The following SLC24A2 variants were observed in gnomAD, a reference collection of about 807,000 sequenced individuals.
SLC24A2 encodes sodium/potassium/calcium exchanger 2.
In SLC24A2, 36 loss-of-function variants were observed where a neutral mutation model predicts 62.0. That is an observed-to-expected ratio of 0.58 (90% confidence interval 0.44 to 0.77). The LOEUF (loss-of-function observed/expected upper bound fraction) is 0.77, where lower values mean the gene tolerates loss of function less well. Ranked by LOEUF, SLC24A2 falls within the 30% of genes least tolerant of loss-of-function variation. SLC24A2 has a pLI of 0.00. For missense variants in SLC24A2, 846 were observed against 817.9 expected, an observed-to-expected ratio of 1.03 and a Z score of -0.42; for synonymous variants, 358 against 294.0, an observed-to-expected ratio of 1.22 and a Z score of -2.23.
chr9:20,299,262 T>C, the SLC24A2 span, among the ~76,000 whole-genome samples: 1 of 152,130 alleles, frequency 6.6e-6, no homozygotes, highest in Non-Finnish European at 1.5e-5. Context: ...CTATTTTATT[T>C]AGGGATTCAA....
the SLC24A2 span, among the ~76,000 whole-genome samples, chr9:19,804,032 ATGT>A: frequency 2.0e-5 from 3 of 152,298 alleles, no homozygotes; most frequent in African/African-American, 7.2e-5. Flanking sequence ...ACATCTTCCG[ATGT>A]TGTGGAAAAA....
At chr9:20,058,078 G>C in the SLC24A2 span, among the ~76,000 whole-genome samples, 3 of 152,172 alleles carry the variant, frequency 2.0e-5, no homozygotes, top group Non-Finnish European at 2.9e-5. Flanking sequence ...TCACTGGTCA[G>C]AAACTTCCTG....
At chr9:20,014,350 G>A in the SLC24A2 span, among the ~76,000 whole-genome samples, 4 of 151,908 alleles carry the variant, frequency 2.6e-5, no homozygotes, top group East Asian at 1.9e-4. Flanking sequence ...TAGAACTACC[G>A]TATGACCCAG....
the SLC24A2 span, among the ~76,000 whole-genome samples, chr9:19,977,837 G>T: frequency 5.3e-5 from 8 of 152,276 alleles, no homozygotes; most frequent in Middle Eastern, 3.4e-3. Context: ...ATCTAGGGCA[G>T]GTGGGCTCTG....
chr9:19,598,001 A>G (rs1268912512), intron 4 of SLC24A2, among the ~76,000 whole-genome samples: 3 of 152,148 alleles, frequency 2.0e-5, no homozygotes, highest in East Asian at 1.9e-4. Context: ...CACATCATCA[A>G]TGGACTCCCC....
chr9:20,241,874 G>A, the SLC24A2 span, among the ~76,000 whole-genome samples: 6 of 152,142 alleles, frequency 3.9e-5, no homozygotes, highest in African/African-American at 1.4e-4. Flanking sequence ...AAACATGGCT[G>A]CAACATCAAT....
the SLC24A2 span, among the ~76,000 whole-genome samples, chr9:20,199,543 G>T: frequency 2.0e-5 from 3 of 152,040 alleles, no homozygotes; most frequent in African/African-American, 7.2e-5. Context: ...TAGAGTGGGA[G>T]AATCTCTATT....
the SLC24A2 span, among the ~76,000 whole-genome samples, chr9:20,235,120 G>T: frequency 6.6e-6 from 1 of 152,224 alleles, no homozygotes; most frequent in African/African-American, 2.4e-5. Flanking sequence ...GCTGTGTGAG[G>T]TGTCAGTCCG....
chr9:20,272,187 A>G, the SLC24A2 span, among the ~76,000 whole-genome samples: 1 of 152,322 alleles, frequency 6.6e-6, no homozygotes, highest in East Asian at 1.9e-4. Context: ...ATAAACCAGT[A>G]ATTTGGGAGA....
chr9:20,230,419 T>C, the SLC24A2 span, among the ~76,000 whole-genome samples: 1 of 152,206 alleles, frequency 6.6e-6, no homozygotes, highest in African/African-American at 2.4e-5. Context: ...TTTTAATGAT[T>C]GCCATTCTGA....
chr9:19,520,085 A>C (rs962054148), intron 10 of SLC24A2, among the ~76,000 whole-genome samples: 1 of 152,218 alleles, frequency 6.6e-6, no homozygotes, highest in Non-Finnish European at 1.5e-5. Flanking sequence ...CAATATGGTC[A>C]TGGAAAGGTG....
chr9:19,563,238 C>A (rs145586685), intron 7 of SLC24A2, among the ~76,000 whole-genome samples: 5 of 152,198 alleles, frequency 3.3e-5, no homozygotes, highest in South Asian at 4.1e-4. Flanking sequence ...ACACACACAC[C>A]GCTTTTCACC....
the SLC24A2 span, among the ~76,000 whole-genome samples, chr9:19,952,942 G>A: frequency 8.6e-5 from 13 of 151,748 alleles, no homozygotes; most frequent in Non-Finnish European, 1.6e-4. Flanking sequence ...GTAGTATAAG[G>A]CTATTAACAT....
At chr9:20,304,444 CAG>C in the SLC24A2 span, among the ~76,000 whole-genome samples, 1 of 152,054 alleles carries the variant, frequency 6.6e-6, no homozygotes, top group Non-Finnish European at 1.5e-5. Flanking sequence ...CTTAAAAATA[CAG>C]AGATAGAGAT....
the SLC24A2 span, chr9:19,928,423 GC>G: frequency 6.6e-6 from 1 of 152,256 alleles, no homozygotes; most frequent in Non-Finnish European, 1.5e-5. Flanking sequence ...CTGGAGGCAG[GC>G]AGACCTGGGA....
At chr9:19,860,010 T>C in the SLC24A2 span, among the ~76,000 whole-genome samples, 148 of 152,196 alleles carry the variant, frequency 9.7e-4, no homozygotes, top group Non-Finnish European at 1.8e-3. Context: ...ACTTAAAACA[T>C]AGTCTAGGAC....
the SLC24A2 span, among the ~76,000 whole-genome samples, chr9:20,040,978 C>T: frequency 2.6e-5 from 4 of 152,290 alleles, no homozygotes; most frequent in Admixed American, 6.5e-5. Context: ...TAATTCCTAA[C>T]GTAATGCTTT....
the SLC24A2 span, among the ~76,000 whole-genome samples, chr9:19,986,392 G>C: frequency 2.8e-5 from 4 of 141,176 alleles, no homozygotes; most frequent in Admixed American, 7.6e-5. Context: ...AAAAAGTTAA[G>C]TATAGGATGA....
the SLC24A2 span, among the ~76,000 whole-genome samples, chr9:19,932,327 C>T: frequency 1.3e-5 from 2 of 152,060 alleles, no homozygotes; most frequent in Non-Finnish European, 2.9e-5. Flanking sequence ...AATTCACTGC[C>T]GAATAATGTT....
Sources: allele counts gnomAD v4.1 joint callset (sites outside exome capture counted in the v4.1 genomes callset), GRCh38; gene constraint gnomAD v4.1.1; transcripts MANE v1.5; gene names NCBI Gene and HGNC (gene_info 2026-07-23, HGNC 2026-07-21).